Variants in ARAP1 observed in about 807,000 individuals in gnomAD.
The protein encoded by ARAP1 is ArfGAP with RhoGAP domain, ankyrin repeat and PH domain 1.
Under a neutral mutation model 172.2 loss-of-function variants are expected in ARAP1, and 76 were observed. That is an observed-to-expected ratio of 0.44 (90% CI 0.37 to 0.53). The LOEUF (loss-of-function observed/expected upper bound fraction) is 0.53, where lower values mean the gene tolerates loss of function less well. Among genes scored for constraint, ARAP1 ranks in the 20% least tolerant of loss-of-function variants. ARAP1 has a pLI of 0.00. For missense variants in ARAP1, 1,686 were observed against 1,977.5 expected, an observed-to-expected ratio of 0.85 and a Z score of 2.80; for synonymous variants, 804 against 803.3, an observed-to-expected ratio of 1.00 and a Z score of -0.01.
rs201267929 is a variant in ARAP1, at chr11:72,705,864, C to T, written c.1750G>A (p.Val584Ile). The T allele has an allele frequency of 5.9e-5, 95 of 1,613,996 alleles. No individual in the cohort carries two copies. Among genetic ancestry groups the T allele is most frequent in the East Asian group, 4.5e-4 (20 of 44,902 alleles). Residue 584 changes from valine to isoleucine, a missense_variant, in exon 13 of 35, where the codon GTC (valine) becomes ATC (isoleucine). By Grantham distance (29) the Val-to-Ile change is conservative. This residue lies in a region of ARAP1 where 688 missense variants were observed against 856.9 expected (regional missense o/e 0.80). Transcript: ENST00000393609. Reference protein sequence around the residue: ...AGEHRGLGAGVSKVRSLKMDR... With the variant: ...AGEHRGLGAGISKVRSLKMDR... ...ATCTTCAGGCTCCGCACCTTGGAGA[C>T]GCCAGCGCCCAGGCCACGGTGCTCC...
intron 3 of ARAP1, chr11:72,722,162 A>AGG (rs1857541138): frequency 4.1e-6 from 4 of 983,488 alleles, no homozygotes; most frequent in Non-Finnish European, 4.8e-6. Flanking sequence ...AGAGAGAGAG[A>AGG]GAGAGAGAGA....
At chr11:72,687,600 G>C in intron 32 of ARAP1, 88 bp downstream of exon 32, 1 of 1,612,018 alleles carries the variant, frequency 6.2e-7, no homozygotes, top group Non-Finnish European at 8.5e-7. Context: ...AGTGGTCACA[G>C]ATCTGGGCAG....
intron 1 of ARAP1, among the ~76,000 whole-genome samples, chr11:72,751,057 A>G (rs951708631): frequency 6.6e-6 from 1 of 152,104 alleles, no homozygotes; most frequent in East Asian, 1.9e-4. Context: ...GCTTGAATGC[A>G]AAACAAAACC....
chr11:72,714,774 CTA>C (rs1402869234), intron 3 of ARAP1, among the ~76,000 whole-genome samples: 1 of 152,188 alleles, frequency 6.6e-6, no homozygotes, highest in Non-Finnish European at 1.5e-5. Flanking sequence ...AAACCAATTC[CTA>C]AGGCCCTGAA....
At chr11:72,711,560 AC>A (rs1224297403) in intron 7 of ARAP1, 61 bp from the exon 8 acceptor site, 6 of 1,433,748 alleles carry the variant, frequency 4.2e-6, no homozygotes, top group Middle Eastern at 1.8e-4. Flanking sequence ...TTCCAGGACC[AC>A]CCCAGCCCTC....
intron 1 of ARAP1, among the ~76,000 whole-genome samples, chr11:72,749,956 C>T (rs1030049719): frequency 6.6e-6 from 1 of 152,190 alleles, no homozygotes; most frequent in Non-Finnish European, 1.5e-5. Flanking sequence ...CTGACCCCCA[C>T]CAGGGGTCTC....
rs1856934982 is a variant in ARAP1 at position 72,709,940 on chromosome 11, T to G, written c.1453A>C (p.Met485Leu). ...HLGIGITFID[M>L]SVGNVKEVDR... is the part of the protein sequence containing the mutation. The stretch of plus-strand genomic sequence containing the variant: ...ACTTCCTTCACGTTGCCCACGCTCA[T>G]GTCGATGAAGGTGATGCCAATGCCC... Residue 485 changes from methionine to leucine, a missense_variant, in exon 11 of 35, where the codon ATG becomes CTG. Met to Leu is a conservative substitution (Grantham distance 15). Around this residue, in one of 5 missense-constraint regions of ARAP1, gnomAD observed 688 missense variants for 856.9 expected, o/e 0.80. Transcript: ENST00000393609. 6.2e-7 allele frequency: 1 copy of G among 1,613,818 alleles called. No homozygotes were observed. Among genetic ancestry groups the G allele is most frequent in the Non-Finnish European group, 8.5e-7 (1 of 1,179,990 alleles).
At chr11:72,690,323 G>A (rs1855886171) in intron 30 of ARAP1, among the ~76,000 whole-genome samples, 1 of 152,154 alleles carries the variant, frequency 6.6e-6, no homozygotes. Context: ...GGTCTGATGT[G>A]CATGACATGT....
At chr11:72,745,142 C>A (rs541128558) in intron 1 of ARAP1, among the ~76,000 whole-genome samples, 1 of 150,970 alleles carries the variant, frequency 6.6e-6, no homozygotes, top group Non-Finnish European at 1.5e-5. Flanking sequence ...AACAAACTTG[C>A]ATTTAAGCTG....
In ARAP1 at chr11:72,695,252, C is replaced by T; in HGVS notation, c.3576+135G>A. ...TTTCTGAGTGGTCCTTAGGAGCAGA[C>T]CCCAGCACCAGCCAGATACAGGTCC... On this transcript the variant is annotated intron_variant, in intron 26 of 34. Coordinates refer to ENST00000393609, the MANE Select transcript of ARAP1 (RefSeq NM_001040118.3). This position sits in a 1 kb window ranked among gnomAD's most constrained non-coding sequence, Gnocchi z 4.4. The T allele has an allele frequency of 7.4e-7, 1 of 1,352,858 alleles. No homozygotes were observed. Among genetic ancestry groups the T allele is most frequent in the Non-Finnish European group, 1.0e-6 (1 of 964,676 alleles). 83.8% of individuals were successfully genotyped at this position (1,352,858 alleles called of 1,614,324 possible). A position where few individuals can be genotyped will look rare whatever the true frequency, so the allele number is the denominator to read the frequency against.
chr11:72,696,262 T>C (rs192285642), intron 23 of ARAP1, among the ~76,000 whole-genome samples: 1 of 152,304 alleles, frequency 6.6e-6, no homozygotes, highest in African/African-American at 2.4e-5. Flanking sequence ...GAGAATCTAA[T>C]GCCGCGGCTG....
chr11:72,693,516 C>G lies in ARAP1; in HGVS notation c.3809-46G>C, dbSNP rs1443715111. On this transcript the variant is annotated intron_variant, in intron 28 of 34. Coordinates refer to ENST00000393609, the MANE Select transcript of ARAP1 (RefSeq NM_001040118.3). This position sits in a 1 kb window ranked among gnomAD's most constrained non-coding sequence, Gnocchi z 4.6. The stretch of plus-strand genomic sequence containing the variant: ...GGGCACAGGCTGCACCAACCCCTAC[C>G]CGGGGCTGGGTCCCAGGATGAAGGA... 6.3e-7 allele frequency: 1 copy of G among 1,587,622 alleles called. No individual in the cohort carries two copies. Among genetic ancestry groups the G allele is most frequent in the Non-Finnish European group, 8.6e-7 (1 of 1,163,586 alleles).
chr11:72,705,504 G>A (rs1027632348), intron 13 of ARAP1: 17 of 344,844 alleles, frequency 4.9e-5, no homozygotes, highest in African/African-American at 3.2e-4. Flanking sequence ...TCTAAAGGGC[G>A]AAATAGTAAT....
At chr11:72,744,878 C>A (rs1858306478) in intron 1 of ARAP1, among the ~76,000 whole-genome samples, 1 of 152,210 alleles carries the variant, frequency 6.6e-6, no homozygotes, top group South Asian at 2.1e-4. Flanking sequence ...TAGACACCCC[C>A]TGGATCTTCA....
At position 72,713,168 on chromosome 11, in the gene ARAP1, G is replaced by A; in HGVS notation, c.747+8C>T. On this transcript the variant is annotated splice_region_variant and intron_variant, in intron 5 of 34. Transcript: ENST00000393609. ...CTGACAGGCAGACAGTCCCATGCCT[G>A]GCCCCACCTTCTTGGTCATCACTCT... The A allele has an allele frequency of 6.2e-7, 1 of 1,613,758 alleles. No homozygotes were observed. The highest frequency in any genetic ancestry group is 8.5e-7 in the Non-Finnish European group (1 of 1,179,744).
intron 3 of ARAP1, among the ~76,000 whole-genome samples, chr11:72,715,438 G>A (rs1857229143): frequency 6.6e-6 from 1 of 152,202 alleles, no homozygotes; most frequent in African/African-American, 2.4e-5. Context: ...AAGCAAGGAA[G>A]GGCTGGGAGG....
intron 11 of ARAP1, 104 bp downstream of exon 11, chr11:72,709,766 T>C (rs1023595809): frequency 1.8e-5 from 22 of 1,205,496 alleles, no homozygotes; most frequent in Non-Finnish European, 2.7e-5. Flanking sequence ...CGGGGCAGGG[T>C]GAGGGAACCC....
intron 18 of ARAP1, among the ~76,000 whole-genome samples, chr11:72,698,434 C>G (rs1477730963): frequency 6.6e-6 from 1 of 152,242 alleles, no homozygotes; most frequent in Non-Finnish European, 1.5e-5. Flanking sequence ...GGGGAGCTGT[C>G]TCCCCCACCC....
intron 34 of ARAP1, 98 bp downstream of exon 34, chr11:72,685,944 C>CA: frequency 6.2e-7 from 1 of 1,600,716 alleles, no homozygotes; most frequent in Non-Finnish European, 8.5e-7. Context: ...GGAGGGCAAT[C>CA]GGGGAGGGCA....
Sources: gnomAD v4.1 joint callset for allele counts (sites outside exome capture counted in the v4.1 genomes callset) on GRCh38, gnomAD v4.1.1 for gene constraint, gnomAD v4.1.1 regional missense constraint, Gnocchi (gnomAD v3.1) non-coding constraint, MANE v1.5 for transcripts, NCBI Gene and HGNC (gene_info 2026-07-23, HGNC 2026-07-21) for gene names.